Variants in KRT8 observed in about 807,000 individuals in gnomAD.
KRT8 encodes the protein keratin 8, also known as keratin, type II cytoskeletal 8.
KRT8 carries 24 observed loss-of-function variants against 43.0 expected under a neutral mutation model. The observed-to-expected ratio is 0.56, with a 90% CI of 0.40 to 0.78. The LOEUF is 0.78. Ranked by LOEUF, KRT8 falls within the 30% of genes least tolerant of loss-of-function variation. KRT8 has a pLI of 0.00. For missense variants in KRT8, 492 were observed against 638.4 expected (o/e 0.77, Z 2.47); for synonymous variants, 214 against 261.2 (o/e 0.82, Z 1.74).
intron 2 of KRT8, among the ~76,000 whole-genome samples, chr12:52,924,161 A>G (rs988996336): frequency 6.6e-6 from 1 of 152,138 alleles, no homozygotes; most frequent in Non-Finnish European, 1.5e-5. Context: ...TTAAAATCAT[A>G]CATTAGGCCA....
intron 4 of KRT8, 67 bp downstream of exon 4, chr12:52,900,521 T>C (rs1458421052): frequency 3.0e-6 from 3 of 995,232 alleles, no homozygotes; most frequent in Non-Finnish European, 4.9e-6. Context: ...GAGCCTCTGG[T>C]TGAGTCTCAG....
intron 2 of KRT8, among the ~76,000 whole-genome samples, chr12:52,925,938 G>A (rs1941980845): frequency 6.6e-6 from 1 of 152,050 alleles, no homozygotes; most frequent in Non-Finnish European, 1.5e-5. Flanking sequence ...GGAAGGAGGA[G>A]AAAGGAGGCA....
chr12:52,904,512 T>C, intron 1 of KRT8, 146 bp downstream of exon 1: 3 of 758,944 alleles, frequency 4.0e-6, no homozygotes, highest in East Asian at 2.5e-5. Flanking sequence ...ACGGGAGGGG[T>C]GAGTCGGAGG....
intron 2 of KRT8, chr12:52,946,739 C>T (rs895246375): frequency 2.0e-5 from 3 of 152,224 alleles, no homozygotes; most frequent in African/African-American, 7.2e-5. Flanking sequence ...TCCCAGAAGC[C>T]TTGTATGCAA....
intron 2 of KRT8, among the ~76,000 whole-genome samples, chr12:52,943,501 C>T (rs1942298536): frequency 6.6e-6 from 1 of 152,182 alleles, no homozygotes; most frequent in African/African-American, 2.4e-5. Flanking sequence ...CTTCTTGCCT[C>T]AAGTCCCTCT....
chr12:52,943,529 T>G (rs764884673), intron 2 of KRT8, among the ~76,000 whole-genome samples: 3 of 152,204 alleles, frequency 2.0e-5, no homozygotes, highest in Non-Finnish European at 4.4e-5. Context: ...CTCTGCTCCT[T>G]CTTTTCCCTG....
intron 1 of KRT8, among the ~76,000 whole-genome samples, chr12:52,903,853 C>CCCCAG (rs1336234634): frequency 8.4e-6 from 1 of 119,234 alleles, no homozygotes; most frequent in Non-Finnish European, 1.8e-5. Context: ...CTCCACCCCA[C>CCCCAG]CCCAGCCCAC....
chr12:52,910,530 CAG>C (rs916946685), upstream of KRT8, among the ~76,000 whole-genome samples: 8 of 152,212 alleles, frequency 5.3e-5, no homozygotes, highest in Non-Finnish European at 1.0e-4. Flanking sequence ...GAGACAGAGA[CAG>C]AGACTGCGAG....
chr12:52,918,640 G>C (rs968336610), intron 2 of KRT8, among the ~76,000 whole-genome samples: 2 of 152,184 alleles, frequency 1.3e-5, no homozygotes, highest in Non-Finnish European at 2.9e-5. Flanking sequence ...TACTTCACCA[G>C]CTGAAAATGC....
At chr12:52,930,652 C>G (rs1942068352) in intron 2 of KRT8, among the ~76,000 whole-genome samples, 1 of 152,138 alleles carries the variant, frequency 6.6e-6, no homozygotes, top group Non-Finnish European at 1.5e-5. Flanking sequence ...CCTAGACCTC[C>G]TGGGTTCAAG....
At chr12:52,923,480 C>T (rs746552940) in intron 2 of KRT8, among the ~76,000 whole-genome samples, 2 of 152,182 alleles carry the variant, frequency 1.3e-5, no homozygotes, top group Non-Finnish European at 2.9e-5. Context: ...AGTACAGTGG[C>T]TTAATCTCAG....
chr12:52,915,445 C>T (rs551282870), intron 2 of KRT8, among the ~76,000 whole-genome samples: 4 of 151,548 alleles, frequency 2.6e-5, no homozygotes, highest in South Asian at 2.1e-4. Flanking sequence ...CCATGCCTCA[C>T]GCCTGTAATC....
chr12:52,901,298 G>A, intron 2 of KRT8, 79 bp from the exon 3 acceptor site: 1 of 983,272 alleles, frequency 1.0e-6, no homozygotes. Context: ...CAGGGGCGTT[G>A]TGAAAATCAG....
At chr12:52,918,242 A>C (rs552474889) in intron 2 of KRT8, among the ~76,000 whole-genome samples, 83 of 151,620 alleles carry the variant, frequency 5.5e-4, no homozygotes, top group African/African-American at 1.9e-3. Flanking sequence ...GAAGAAGAAG[A>C]AGAAGAAGAA....
intron 2 of KRT8, among the ~76,000 whole-genome samples, chr12:52,924,978 T>A (rs1347695593): frequency 1.3e-5 from 2 of 152,180 alleles, no homozygotes; most frequent in Non-Finnish European, 2.9e-5. Context: ...ATGGGGAGGA[T>A]GCGTCTGTGG....
chr12:52,899,005 C>T (rs1185883841), intron 5 of KRT8, 106 bp from the exon 6 acceptor site: 6 of 959,518 alleles, frequency 6.3e-6, no homozygotes, highest in Non-Finnish European at 9.7e-6. Flanking sequence ...AGGCTGACTC[C>T]CCCCAGCTCA....
At chr12:52,915,187 C>T (rs1941711139) in intron 2 of KRT8, among the ~76,000 whole-genome samples, 2 of 151,936 alleles carry the variant, frequency 1.3e-5, no homozygotes, top group African/African-American at 4.8e-5. Flanking sequence ...TCCTGGCTAA[C>T]ACAGTGAAAC....
At chr12:52,915,111 C>T (rs867915460) in intron 2 of KRT8, among the ~76,000 whole-genome samples, 1 of 152,174 alleles carries the variant, frequency 6.6e-6, no homozygotes, top group South Asian at 2.1e-4. Flanking sequence ...CGGTGGCTCA[C>T]GCCTGTAATC....
At chr12:52,904,019 C>A (rs1208446877) in intron 1 of KRT8, among the ~76,000 whole-genome samples, 1 of 151,930 alleles carries the variant, frequency 6.6e-6, no homozygotes, top group Non-Finnish European at 1.5e-5. Flanking sequence ...TTCTGTGACC[C>A]CCGCACTCAG....
Sources: gnomAD v4.1 joint callset for allele counts (sites outside exome capture counted in the v4.1 genomes callset) on GRCh38, gnomAD v4.1.1 for gene constraint, MANE v1.5 for transcripts, NCBI Gene and HGNC (gene_info 2026-07-23, HGNC 2026-07-21) for gene names.